CDH22: variants seen among roughly 807,000 people sequenced by gnomAD.
The protein encoded by CDH22 is cadherin-22.
Under a neutral mutation model 58.4 loss-of-function variants are expected in CDH22, and 30 were observed. That is an observed-to-expected ratio of 0.51 (90% CI 0.38 to 0.70). The LOEUF is 0.70. Ranked by LOEUF, CDH22 falls within the 30% of genes least tolerant of loss-of-function variation. CDH22 has a pLI of 0.00. For synonymous variants in CDH22, 513 were observed against 558.2 expected (o/e 0.92, Z 1.14); for missense variants, 1,014 against 1,233.9 (o/e 0.82, Z 2.67).
At chr20:46,187,583 C>A (rs2085835639) in intron 8 of CDH22, among the ~76,000 whole-genome samples, 1 of 151,968 alleles carries the variant, frequency 6.6e-6, no homozygotes, top group Non-Finnish European at 1.5e-5. Context: ...ACCACCACCA[C>A]CAACCCCATC....
intron 3 of CDH22, among the ~76,000 whole-genome samples, chr20:46,240,190 G>A (rs993546008): frequency 2.0e-5 from 3 of 152,064 alleles, no homozygotes; most frequent in Non-Finnish European, 4.4e-5. Flanking sequence ...GCCCATGCCT[G>A]TCTGCGGCTG....
intron 1 of CDH22, among the ~76,000 whole-genome samples, chr20:46,263,319 A>G (rs1468946758): frequency 6.6e-6 from 1 of 152,120 alleles, no homozygotes; most frequent in East Asian, 1.9e-4. Context: ...GATTCATCAA[A>G]TATTTATTGA....
At chr20:46,285,179 G>A (rs750819826) in intron 1 of CDH22, among the ~76,000 whole-genome samples, 1 of 152,228 alleles carries the variant, frequency 6.6e-6, no homozygotes, top group Non-Finnish European at 1.5e-5. Flanking sequence ...CCAGGTTGCA[G>A]CATTGTTAGC....
intron 7 of CDH22, among the ~76,000 whole-genome samples, chr20:46,200,234 A>G (rs1265973850): frequency 6.6e-6 from 1 of 151,944 alleles, no homozygotes; most frequent in Non-Finnish European, 1.5e-5. Flanking sequence ...TTGGCCTCCC[A>G]AAGTGCCTGG....
intron 3 of CDH22, among the ~76,000 whole-genome samples, chr20:46,238,518 C>G (rs976735435): frequency 1.3e-5 from 2 of 152,218 alleles, no homozygotes; most frequent in African/African-American, 4.8e-5. Flanking sequence ...CACTCAGCAG[C>G]ATAATACGTT....
intron 7 of CDH22, among the ~76,000 whole-genome samples, chr20:46,202,543 C>T (rs11906643): frequency 0.031 from 4,766 of 151,964 alleles, 280 homozygotes; most frequent in African/African-American, 0.11. Flanking sequence ...TTAGTAGAGA[C>T]GGGGTTTCAC....
chr20:46,204,734 C>T (rs1568657573), intron 7 of CDH22, among the ~76,000 whole-genome samples: 1 of 152,076 alleles, frequency 6.6e-6, no homozygotes, highest in Non-Finnish European at 1.5e-5. Flanking sequence ...AGGAGCCAGC[C>T]AGGTACACCT....
intron 1 of CDH22, among the ~76,000 whole-genome samples, chr20:46,262,203 T>TTGTG (rs1222112392): frequency 1.3e-5 from 2 of 149,584 alleles, no homozygotes; most frequent in Non-Finnish European, 3.0e-5. Flanking sequence ...CTGAGTGTAT[T>TTGTG]TGTGTGTGTG....
chr20:46,210,599 C>T lies in CDH22; in HGVS notation c.1033-39G>A. 1 of 1,412,428 alleles carries T rather than the reference C, an allele frequency of 7.1e-7. No individual in the cohort carries two copies. 87.5% of individuals were successfully genotyped at this position (1,412,428 alleles called of 1,614,324 possible). ...CAGAGGGCCGGTTAGTGGGTGGGGT[C>T]TGGTGGACACTGAGGCCTTCACGAG... is the stretch of plus-strand genomic sequence containing the variant. On this transcript the variant is annotated intron_variant, in intron 6 of 11. Transcript: ENST00000537909. This position sits in a 1 kb window ranked among gnomAD's most constrained non-coding sequence, Gnocchi z 4.5.
chr20:46,278,220 C>G (rs1438791770), intron 1 of CDH22, among the ~76,000 whole-genome samples: 2 of 152,202 alleles, frequency 1.3e-5, no homozygotes, highest in African/African-American at 4.8e-5. Flanking sequence ...GGGCAGTCCC[C>G]AGCTTTGCTT....
intron 3 of CDH22, among the ~76,000 whole-genome samples, chr20:46,236,681 C>A (rs200806771): frequency 2.0e-4 from 26 of 130,924 alleles, no homozygotes; most frequent in East Asian, 6.6e-4. Flanking sequence ...ATCTATCTAT[C>A]TATATATACA....
At chr20:46,230,167 CTGT>C (rs2086210095) in intron 3 of CDH22, among the ~76,000 whole-genome samples, 1 of 152,122 alleles carries the variant, frequency 6.6e-6, no homozygotes, top group South Asian at 2.1e-4. Flanking sequence ...CTTGTAGCTA[CTGT>C]GGGACCACCT....
chr20:46,273,605 G>T (rs1377973227), intron 1 of CDH22, among the ~76,000 whole-genome samples: 1 of 152,226 alleles, frequency 6.6e-6, no homozygotes, highest in Admixed American at 6.5e-5. Flanking sequence ...TGCTAACAGA[G>T]CGCTGTGCTC....
intron 1 of CDH22, among the ~76,000 whole-genome samples, chr20:46,294,154 C>T (rs911769256): frequency 1.3e-5 from 2 of 152,174 alleles, no homozygotes; most frequent in Non-Finnish European, 2.9e-5. Flanking sequence ...ATGCATTGAT[C>T]CTCAGTGCAA....
chr20:46,281,775 C>G (rs77778568), intron 1 of CDH22, among the ~76,000 whole-genome samples: 1 of 152,194 alleles, frequency 6.6e-6, no homozygotes, highest in Non-Finnish European at 1.5e-5. Flanking sequence ...GATGCCCAGA[C>G]CTTCAGATTC....
intron 4 of CDH22, among the ~76,000 whole-genome samples, chr20:46,226,772 C>A (rs1381435863): frequency 6.6e-6 from 1 of 152,200 alleles, no homozygotes; most frequent in African/African-American, 2.4e-5. Flanking sequence ...ATCCCAGGAG[C>A]AGTGAGAGCA....
rs74963772 is a variant in CDH22, at chr20:46,300,153, C to A, written c.-400+8102G>T. On this transcript the variant is annotated intron_variant, in intron 1 of 11. Coordinates refer to ENST00000537909, the MANE Select transcript of CDH22 (RefSeq NM_021248.3). The surrounding 1 kb of genome is among the most constrained non-coding windows in gnomAD (Gnocchi z 4.4). ...CAGTCCCTAAAGGCCCTTTCAACTC[C>A]AAAATGCATAACCCTAAACACAGCC... 0.016 allele frequency among the ~76,000 whole-genome samples: 2,510 copies of A among 152,208 alleles called. 63 individuals are homozygous for A. Among genetic ancestry groups the A allele is most frequent in the African/African-American group, 0.057 (2,381 of 41,524 alleles).
At chr20:46,201,058 G>C (rs2085957427) in intron 7 of CDH22, among the ~76,000 whole-genome samples, 2 of 152,246 alleles carry the variant, frequency 1.3e-5, no homozygotes, top group African/African-American at 4.8e-5. Context: ...GGCCTTAAAG[G>C]CCCGTGTCCA....
At chr20:46,269,116 G>A (rs1385465884) in intron 1 of CDH22, among the ~76,000 whole-genome samples, 2 of 152,206 alleles carry the variant, frequency 1.3e-5, no homozygotes, top group East Asian at 3.8e-4. Flanking sequence ...ACTGCCCTCT[G>A]TGATCTGGCT....
Sources: gnomAD v4.1 joint callset for allele counts (sites outside exome capture counted in the v4.1 genomes callset) on GRCh38, gnomAD v4.1.1 for gene constraint, Gnocchi (gnomAD v3.1) non-coding constraint, MANE v1.5 for transcripts, NCBI Gene and HGNC (gene_info 2026-07-23, HGNC 2026-07-21) for gene names.